The following ZNF678 variants were observed in gnomAD, a reference collection of about 807,000 sequenced individuals.
ZNF678 encodes zinc finger protein 678, also known as hypothetical protein MGC42493.
Under a neutral mutation model 3.0 loss-of-function variants are expected in ZNF678, and 5 were observed. The observed-to-expected ratio is 1.69, with a 90% CI of 0.88 to 3.56. The LOEUF is 3.56. Ranked by LOEUF, ZNF678 falls within the 30% of genes most tolerant of loss-of-function variation. The pLI is 0.00. For synonymous variants in ZNF678, 218 were observed against 199.6 expected (o/e 1.09, Z -0.78); for missense variants, 593 against 605.0 (o/e 0.98, Z 0.21).
In ZNF678 at chr1:227,656,808, T is replaced by C. The variant is rs1659260245; in HGVS notation, c.*980T>C. 1 of 152,004 alleles carries C rather than the reference T, an allele frequency of 6.6e-6. No homozygotes were observed. The highest frequency in any genetic ancestry group is 2.1e-4 in the South Asian group (1 of 4,832). 9.4% of individuals were successfully genotyped at this position (152,004 alleles called of 1,614,324 possible). On this transcript the variant is annotated 3_prime_UTR_variant, in exon 4 of 4. Transcript: ENST00000343776. Reference sequence around the variant, plus strand: ...GTTATTTTTAGAATGCAATTTCTTTTCATAAAACAAAATTATTTTTAATGT... The same window carrying C: ...GTTATTTTTAGAATGCAATTTCTTTCCATAAAACAAAATTATTTTTAATGT...
intron 1 of ZNF678, among the ~76,000 whole-genome samples, chr1:227,612,796 G>T (rs1446779757): frequency 1.3e-5 from 2 of 151,964 alleles, no homozygotes; most frequent in Non-Finnish European, 2.9e-5. Flanking sequence ...TCATTTTATT[G>T]CCCACCCCAA....
intron 1 of ZNF678, among the ~76,000 whole-genome samples, chr1:227,618,925 G>T (rs1658206813): frequency 6.6e-6 from 1 of 152,094 alleles, no homozygotes; most frequent in Admixed American, 6.5e-5. Context: ...GGCTGGGGGG[G>T]CCTCAGGAAA....
chr1:227,649,273 C>T (rs1659032120), intron 2 of ZNF678, among the ~76,000 whole-genome samples: 1 of 152,166 alleles, frequency 6.6e-6, no homozygotes, highest in South Asian at 2.1e-4. Context: ...TAAGAGCCTT[C>T]ATACTAATTT....
At chr1:227,627,902 C>T (rs1037011480) in intron 1 of ZNF678, among the ~76,000 whole-genome samples, 17 of 152,184 alleles carry the variant, frequency 1.1e-4, no homozygotes, top group African/African-American at 3.6e-4. Flanking sequence ...TCCCCTCGAG[C>T]GGTGTAGGTT....
rs1658740716 is a variant in ZNF678 at position 227,638,655 on chromosome 1, G to A, written c.-163-7889G>A. Among the ~76,000 whole-genome samples, 1 of 152,146 alleles carries A rather than the reference G, an allele frequency of 6.6e-6. No individual in the cohort carries two copies. The highest frequency in any genetic ancestry group is 2.1e-4 in the South Asian group (1 of 4,828). On this transcript the variant is annotated intron_variant, in intron 1 of 3. Transcript: ENST00000343776. This position sits in a 1 kb window ranked among gnomAD's most constrained non-coding sequence, Gnocchi z 4.2. ...AAGTTAGAAGTACCACAGGGGTCTA[G>A]GTGGATGTCTTGGGTACTATGGGAA...
rs995975320 is a variant in ZNF678, at chr1:227,658,757, G to A, written c.*2929G>A. ...ATGCACCATTTGAATCATTTAATTG[G>A]CATAATTGGGATGTACTCTACACAG... On this transcript the variant is annotated 3_prime_UTR_variant, in exon 4 of 4. Coordinates refer to ENST00000343776, the MANE Select transcript of ZNF678 (RefSeq NM_001367909.1). 1.3e-5 allele frequency: 2 copies of A among 151,920 alleles called. No homozygotes were observed. Among genetic ancestry groups the A allele is most frequent in the East Asian group, 1.9e-4 (1 of 5,174 alleles). 9.4% of individuals were successfully genotyped at this position (151,920 alleles called of 1,614,324 possible).
rs559991408 is a variant in ZNF678, at chr1:227,642,093, C to T, written c.-163-4451C>T. Among the ~76,000 whole-genome samples the T allele has an allele frequency of 5.3e-5, 8 of 152,288 alleles. No individual in the cohort carries two copies. In the East Asian group the frequency reaches 7.7e-4, roughly 15 times the overall value. On this transcript the variant is annotated intron_variant, in intron 1 of 3. Coordinates refer to ENST00000343776, the MANE Select transcript of ZNF678 (RefSeq NM_001367909.1). ...ATTTTCTCCCCATTCTGTAGCTCCA[C>T]GAAATAGTAAACCAGGTTGACTCTG...
intron 1 of ZNF678, among the ~76,000 whole-genome samples, chr1:227,617,524 C>T (rs1415783228): frequency 6.6e-6 from 1 of 152,162 alleles, no homozygotes; most frequent in Non-Finnish European, 1.5e-5. Context: ...TGGGCAGTTG[C>T]AGCACTACAA....
chr1:227,654,501 A>G lies in ZNF678; in HGVS notation c.251A>G (p.Asn84Ser), dbSNP rs760626302. ...GGTAAGGGGCAGAAAGAATATTGCA[A>G]TAGACTTACTCAATGTTCATCAACT... ...NEGKGQKEYC[N>S]RLTQCSSTKS... Residue 84 changes from asparagine to serine, a missense_variant, in exon 4 of 4, where the codon AAT (asparagine) becomes AGT (serine). By Grantham distance (46) the Asn-to-Ser change is conservative. Transcript: ENST00000343776. 3 of 1,613,126 alleles carry G rather than the reference A, an allele frequency of 1.9e-6. No individual in the cohort carries two copies. Among genetic ancestry groups the G allele is most frequent in the Non-Finnish European group, 1.7e-6 (2 of 1,179,510 alleles).
intron 1 of ZNF678, among the ~76,000 whole-genome samples, chr1:227,639,617 CT>C (rs76559221): frequency 0.077 from 11,765 of 152,174 alleles, 884 homozygotes; most frequent in East Asian, 0.34. Context: ...AATGGGCACT[CT>C]TTTTGAGTGC....
chr1:227,568,967 A>C lies in ZNF678; in HGVS notation c.-164+5243A>C, dbSNP rs531936909. On this transcript the variant is annotated intron_variant, in intron 1 of 3. Transcript: ENST00000343776. The stretch of plus-strand genomic sequence containing the variant: ...AGCGAAGGGAGGCTCTGTTCTGTAC[A>C]CAGGCTGTCACACTGCACTGTCCTG... Among the ~76,000 whole-genome samples the C allele has an allele frequency of 2.0e-4, 31 of 152,314 alleles. 1 individual carries two copies. The South Asian group carries it at 5.4e-3, about 26-fold the overall frequency.
chr1:227,579,306 T>C (rs190885452), intron 1 of ZNF678, among the ~76,000 whole-genome samples: 1 of 152,176 alleles, frequency 6.6e-6, no homozygotes, highest in Admixed American at 6.5e-5. Flanking sequence ...GCCAGGGTGC[T>C]AGTGGTGCAG....
chr1:227,637,622 C>T (rs755554537), intron 1 of ZNF678, among the ~76,000 whole-genome samples: 3 of 152,092 alleles, frequency 2.0e-5, no homozygotes, highest in Non-Finnish European at 2.9e-5. Context: ...AGAGTGAGGA[C>T]GGGGGCCTGA....
At position 227,656,897 on chromosome 1, in the gene ZNF678, C is replaced by A. The variant is rs1196612154; in HGVS notation, c.*1069C>A. 4 of 151,928 alleles carry A rather than the reference C, an allele frequency of 2.6e-5. No homozygotes were observed. The highest frequency in any genetic ancestry group is 5.9e-5 in the Non-Finnish European group (4 of 67,888). 9.4% of individuals were successfully genotyped at this position (151,928 alleles called of 1,614,324 possible). A position where few individuals can be genotyped will look rare whatever the true frequency, so the allele number is the denominator to read the frequency against. On this transcript the variant is annotated 3_prime_UTR_variant, in exon 4 of 4. Transcript: ENST00000343776. ...ACAATAATTAACCTATACCACCTTA[C>A]CCAAAGTTGTAGGTAACAGATAGTA...
chr1:227,667,010 G>A (rs1023592592), downstream of ZNF678, among the ~76,000 whole-genome samples: 7 of 151,544 alleles, frequency 4.6e-5, no homozygotes, highest in South Asian at 8.3e-4. Context: ...CTCCCAAAGT[G>A]CTGGGATTAC....
At chr1:227,674,435 G>A (rs1044781384) in intron 5 of ZNF678, among the ~76,000 whole-genome samples, 2 of 152,054 alleles carry the variant, frequency 1.3e-5, no homozygotes, top group Non-Finnish European at 2.9e-5. Context: ...AAAAATGTTG[G>A]AAGCTGGAAA....
intron 1 of ZNF678, chr1:227,598,501 GT>G (rs60885982): frequency 0.61 from 839,877 of 1,378,592 alleles, 263,293 homozygotes; most frequent in African/African-American, 0.89. Flanking sequence ...TTCTTTTTTT[GT>G]TTTTTTTCTG....
chr1:227,589,337 G>A (rs1272847919), intron 1 of ZNF678, among the ~76,000 whole-genome samples: 1 of 151,646 alleles, frequency 6.6e-6, no homozygotes, highest in Non-Finnish European at 1.5e-5. Flanking sequence ...TATAAGGAAG[G>A]GATCCAGTTT....
chr1:227,645,695 G>A (rs930966014), intron 1 of ZNF678, among the ~76,000 whole-genome samples: 8 of 152,206 alleles, frequency 5.3e-5, no homozygotes, highest in Admixed American at 2.0e-4. Flanking sequence ...GCATGAAACT[G>A]ATGTTTCTTT....
Sources: allele counts gnomAD v4.1 joint callset (sites outside exome capture counted in the v4.1 genomes callset), GRCh38; gene constraint gnomAD v4.1.1; non-coding constraint Gnocchi (gnomAD v3.1); transcripts MANE v1.5; gene names NCBI Gene and HGNC (gene_info 2026-07-23, HGNC 2026-07-21).